The following WDR27 variants were observed in gnomAD, a reference collection of about 807,000 sequenced individuals.
WDR27 encodes WD repeat domain 27.
Under a neutral mutation model 114.4 loss-of-function variants are expected in WDR27, and 100 were observed. The ratio of observed to expected loss-of-function variants is 0.87; its 90% CI spans 0.74 to 1.03. The LOEUF is 1.03. Ranked by LOEUF, WDR27 falls within the 50% of genes least tolerant of loss-of-function variation. The pLI is 0.00. For synonymous variants in WDR27, 449 were observed against 423.1 expected, an observed-to-expected ratio of 1.06 and a Z score of -0.75; for missense variants, 1,129 against 1,092.9, an observed-to-expected ratio of 1.03 and a Z score of -0.47.
chr6:169,585,349 A>G (rs1215453196), intron 23 of WDR27, among the ~76,000 whole-genome samples: 2 of 152,332 alleles, frequency 1.3e-5, no homozygotes, highest in South Asian at 2.1e-4. Flanking sequence ...TAAAAGAACT[A>G]TTTTAATGTA....
At chr6:169,631,208 T>C (rs1477609158) in intron 21 of WDR27, among the ~76,000 whole-genome samples, 4 of 152,152 alleles carry the variant, frequency 2.6e-5, no homozygotes, top group Non-Finnish European at 4.4e-5. Flanking sequence ...TTCAAAGGGA[T>C]CCCTTCACTC....
the WDR27 span, among the ~76,000 whole-genome samples, chr6:169,441,325 T>C: frequency 6.6e-6 from 1 of 151,158 alleles, no homozygotes; most frequent in Admixed American, 6.6e-5. Context: ...TTCAAGACAG[T>C]TGATCAGTAA....
chr6:169,613,497 A>C (rs916940652), intron 22 of WDR27, 62 bp downstream of exon 22: 3 of 1,296,328 alleles, frequency 2.3e-6, no homozygotes, highest in South Asian at 2.5e-5. Context: ...AAAAGAGATC[A>C]GATTGAGCTT....
At chr6:169,649,754 T>G (rs1294174372) in intron 14 of WDR27, among the ~76,000 whole-genome samples, 1 of 149,216 alleles carries the variant, frequency 6.7e-6, no homozygotes, top group Non-Finnish European at 1.5e-5. Context: ...CCTCCCTCCA[T>G]TCCTCCATCC....
intron 25 of WDR27, among the ~76,000 whole-genome samples, chr6:169,513,469 A>G (rs1386014645): frequency 6.6e-6 from 1 of 152,096 alleles, no homozygotes; most frequent in African/African-American, 2.4e-5. Flanking sequence ...CTAGATTCAG[A>G]GCCCCAGTGT....
chr6:169,697,387 G>T (rs866588495), intron 1 of WDR27, among the ~76,000 whole-genome samples: 1 of 152,256 alleles, frequency 6.6e-6, no homozygotes, highest in Middle Eastern at 3.4e-3. Context: ...GGTAGCCTCA[G>T]TGTCAAGGAA....
intron 21 of WDR27, among the ~76,000 whole-genome samples, chr6:169,625,933 G>GAATGA (rs1405890908): frequency 1.3e-5 from 2 of 152,204 alleles, no homozygotes; most frequent in Admixed American, 1.3e-4. Context: ...GGGTGTGAGA[G>GAATGA]AATGGCCCAG....
the WDR27 span, among the ~76,000 whole-genome samples, chr6:169,446,314 T>C: frequency 1.3e-5 from 2 of 151,978 alleles, no homozygotes; most frequent in African/African-American, 4.8e-5. Context: ...AAGCCAGTCC[T>C]GAGTTAAAGG....
At chr6:169,447,265 A>G in the WDR27 span, among the ~76,000 whole-genome samples, 3 of 152,242 alleles carry the variant, frequency 2.0e-5, no homozygotes, top group Non-Finnish European at 4.4e-5. Context: ...ATGTTAGTAT[A>G]TTTCAATTAT....
chr6:169,643,169 A>G (rs1376891393), intron 17 of WDR27, among the ~76,000 whole-genome samples: 1 of 152,214 alleles, frequency 6.6e-6, no homozygotes, highest in Admixed American at 6.5e-5. Flanking sequence ...AAAGCAAGCC[A>G]TATCAGGATC....
At chr6:169,631,252 A>G (rs776496223) in intron 21 of WDR27, among the ~76,000 whole-genome samples, 1 of 152,184 alleles carries the variant, frequency 6.6e-6, no homozygotes, top group East Asian at 1.9e-4. Context: ...GTTTAAAAAC[A>G]TGTTTGCTCT....
At chr6:169,447,017 A>G in the WDR27 span, among the ~76,000 whole-genome samples, 9 of 152,208 alleles carry the variant, frequency 5.9e-5, no homozygotes, top group Non-Finnish European at 1.2e-4. Flanking sequence ...CTCATTGAAA[A>G]ACGTAGTTGA....
downstream of WDR27, among the ~76,000 whole-genome samples, chr6:169,454,342 C>T (rs567005928): frequency 2.6e-5 from 4 of 152,110 alleles, no homozygotes; most frequent in African/African-American, 4.8e-5. Context: ...TCCTGTCAAA[C>T]GGTGAGTTGG....
intron 25 of WDR27, among the ~76,000 whole-genome samples, chr6:169,569,338 C>T (rs1800996801): frequency 6.6e-6 from 1 of 152,164 alleles, no homozygotes; most frequent in Non-Finnish European, 1.5e-5. Context: ...TTAACAATCA[C>T]ATGCAAAGTA....
intron 13 of WDR27, among the ~76,000 whole-genome samples, chr6:169,652,777 G>A (rs1822951594): frequency 6.6e-6 from 1 of 152,192 alleles, no homozygotes; most frequent in Non-Finnish European, 1.5e-5. Context: ...AGTTATCTCT[G>A]TATTAAAACT....
intron 22 of WDR27, among the ~76,000 whole-genome samples, chr6:169,612,181 C>T (rs961609741): frequency 3.3e-5 from 5 of 151,438 alleles, no homozygotes; most frequent in Non-Finnish European, 7.4e-5. Context: ...CTTGTAATCC[C>T]AGCACTTTGG....
intron 25 of WDR27, among the ~76,000 whole-genome samples, chr6:169,561,312 A>T (rs1799642252): frequency 6.6e-6 from 1 of 152,084 alleles, no homozygotes; most frequent in Non-Finnish European, 1.5e-5. Flanking sequence ...TCACCTCCTG[A>T]TGGTCCCACC....
At chr6:169,625,696 A>G (rs2473451) in intron 21 of WDR27, among the ~76,000 whole-genome samples, 142,544 of 152,252 alleles carry the variant, frequency 0.94, 66,823 homozygotes, top group East Asian at 0.99. Context: ...TAGCTGCTCC[A>G]TGGGGTCAGA....
intron 25 of WDR27, among the ~76,000 whole-genome samples, chr6:169,536,947 A>G (rs1262502440): frequency 6.6e-6 from 1 of 152,236 alleles, no homozygotes; most frequent in African/African-American, 2.4e-5. Flanking sequence ...CTACAGAGCC[A>G]TGACTCATGG....
Sources: allele counts gnomAD v4.1 joint callset (sites outside exome capture counted in the v4.1 genomes callset), GRCh38; gene constraint gnomAD v4.1.1; transcripts MANE v1.5; gene names NCBI Gene and HGNC (gene_info 2026-07-23, HGNC 2026-07-21).